Variants in AXIN2 observed in about 807,000 individuals in gnomAD.
The protein encoded by AXIN2 is axin-2.
A neutral mutation model predicts 74.7 loss-of-function variants in AXIN2; 21 were observed. That is an observed-to-expected ratio of 0.28 (90% CI 0.20 to 0.40). AXIN2 has a LOEUF of 0.40. Ranked by LOEUF, AXIN2 falls within the 10% of genes least tolerant of loss-of-function variation. AXIN2 has a pLI of 1.00. For missense variants in AXIN2, 1,144 were observed against 1,111.1 expected (o/e 1.03, Z -0.42); for synonymous variants, 532 against 454.9 (o/e 1.17, Z -2.16).
rs755206242 is a variant in AXIN2 at position 65,557,882 on chromosome 17, C to G, written c.739G>C (p.Val247Leu). The change falls in exon 2 of 11, where the codon GTG becomes CTG. Residue 247 changes from valine to leucine, a missense_variant. Physicochemically the swap from Val to Leu is conservative, Grantham distance 32 (BLOSUM62 1). Coordinates refer to ENST00000307078, the MANE Select transcript of AXIN2 (RefSeq NM_004655.4). ...ADFKCKLSPT[V>L]VGLSSKTLRA... ...AGAGTTTTGCTGGACAAGCCAACCA[C>G]GGTTGGCGAAAGTTTGCACTTGAAG... is the stretch of plus-strand genomic sequence containing the variant. 6 of 1,614,176 alleles carry G rather than the reference C, an allele frequency of 3.7e-6. No homozygotes were observed. The Admixed American group carries it at 1.0e-4, about 27-fold the overall frequency.
Position 65,537,759 on chromosome 17 carries a change from A to C in AXIN2, c.1277T>G (p.Leu426Arg), listed in dbSNP as rs1567756473. The C allele has an allele frequency of 6.3e-7, 1 of 1,582,328 alleles. No homozygotes were observed. Among genetic ancestry groups the C allele is most frequent in the South Asian group, 1.1e-5 (1 of 87,052 alleles). ...GAPTQHPLSL[L>R]PSGSYEEDPQ... ...GTCTTCCTCGTAGCTGCCGGAGGGC[A>C]GTAGGGAGAGGGGGTGCTGCGTGGG... is the stretch of plus-strand genomic sequence containing the variant. The change falls in exon 6 of 11, where the codon CTG becomes CGG. Residue 426 changes from leucine to arginine, a missense_variant. Leu to Arg is a moderately radical substitution (Grantham distance 102, BLOSUM62 -2). Coordinates refer to ENST00000307078, the MANE Select transcript of AXIN2 (RefSeq NM_004655.4).
chr17:65,542,511 T>C (rs917051665), intron 3 of AXIN2, among the ~76,000 whole-genome samples: 1 of 152,184 alleles, frequency 6.6e-6, no homozygotes, highest in African/African-American at 2.4e-5. Context: ...TGGATGTGGG[T>C]GTCAAGTCCT....
chr17:65,553,853 G>GA (rs1223682376), intron 2 of AXIN2, among the ~76,000 whole-genome samples: 1 of 149,550 alleles, frequency 6.7e-6, no homozygotes, highest in African/African-American at 2.4e-5. Flanking sequence ...AAGGCGGGGG[G>GA]GGGGGGAGGA....
intron 2 of AXIN2, among the ~76,000 whole-genome samples, chr17:65,550,134 T>C (rs1008494339): frequency 5.3e-5 from 8 of 152,222 alleles, no homozygotes; most frequent in African/African-American, 1.9e-4. Flanking sequence ...TGGGGTCTGT[T>C]AGCCCAGTCC....
intron 2 of AXIN2, among the ~76,000 whole-genome samples, chr17:65,555,491 C>T (rs564748552): frequency 8.5e-5 from 13 of 152,292 alleles, no homozygotes; most frequent in Admixed American, 3.3e-4. Flanking sequence ...CCAAGAGTCA[C>T]CCTTTAAAAG....
At chr17:65,550,123 C>G (rs2144542501) in intron 2 of AXIN2, among the ~76,000 whole-genome samples, 1 of 152,348 alleles carries the variant, frequency 6.6e-6, no homozygotes, top group South Asian at 2.1e-4. Context: ...AACTCCTTGT[C>G]TGGGGTCTGT....
intron 10 of AXIN2, among the ~76,000 whole-genome samples, chr17:65,530,727 C>A (rs146218046): frequency 2.6e-5 from 4 of 152,324 alleles, no homozygotes; most frequent in African/African-American, 4.8e-5. Context: ...TTCCCAGGGC[C>A]GAACAGACGG....
At chr17:65,536,827 CCCA>C (rs1567754698) in intron 7 of AXIN2, 39 bp downstream of exon 7, 1 of 1,611,132 alleles carries the variant, frequency 6.2e-7, no homozygotes, top group South Asian at 1.1e-5. Context: ...GTACTGAGTG[CCCA>C]TGACCCTCGC....
Position 65,558,500 on chromosome 17 carries a change from C to A in AXIN2, c.121G>T (p.Gly41Cys), listed in dbSNP as rs755444120. 6.2e-7 allele frequency: 1 copy of A among 1,612,512 alleles called. No individual in the cohort carries two copies. The highest frequency in any genetic ancestry group is 2.2e-5 in the East Asian group (1 of 44,798). The change falls in exon 2 of 11, where the codon GGC becomes TGC. Residue 41 changes from glycine (G) to cysteine (C), a missense_variant. Physicochemically the swap from Gly to Cys is radical, Grantham distance 159. This residue lies in a region of AXIN2 where 1,053 missense variants were observed against 973.5 expected (regional missense o/e 1.08). Transcript: ENST00000307078. The part of the protein sequence containing the change: ...GETPPCQPGV[G>C]KGQVTKPMPV... ...ATGGGTTTGGTGACCTGGCCCTTGC[C>A]CACCCCTGGCTGACACGGTGGGGTC... is the stretch of plus-strand genomic sequence containing the variant.
chr17:65,551,601 G>GT (rs1259295769), intron 2 of AXIN2, among the ~76,000 whole-genome samples: 3 of 152,192 alleles, frequency 2.0e-5, no homozygotes, highest in Admixed American at 6.5e-5. Context: ...ACAATTTGGT[G>GT]TGAGGGTCTG....
chr17:65,529,778 A>T lies in AXIN2; in HGVS notation c.*198T>A. 2 of 766,410 alleles carry T rather than the reference A, an allele frequency of 2.6e-6. No individual in the cohort carries two copies. The highest frequency in any genetic ancestry group is 2.1e-6 in the Non-Finnish European group (1 of 475,482). 47.5% of individuals were successfully genotyped at this position (766,410 alleles called of 1,614,324 possible). A position where few individuals can be genotyped will look rare whatever the true frequency, so the allele number is the denominator to read the frequency against. On this transcript the variant is annotated 3_prime_UTR_variant, in exon 11 of 11. Coordinates refer to ENST00000307078, the MANE Select transcript of AXIN2 (RefSeq NM_004655.4). Reference sequence around the variant, plus strand: ...AAATAGTTCAGGCTTTTCTTATCTCAGTCAGTACCCAGCTCATGAATCATG... The same window carrying T: ...AAATAGTTCAGGCTTTTCTTATCTCTGTCAGTACCCAGCTCATGAATCATG...
intron 5 of AXIN2, 49 bp downstream of exon 5, chr17:65,538,154 A>G (rs549161295): frequency 1.9e-6 from 3 of 1,613,450 alleles, no homozygotes; most frequent in South Asian, 1.1e-5. Flanking sequence ...TACACATACG[A>G]GCGCTCACGC....
At position 65,537,314 on chromosome 17, in the gene AXIN2, C is replaced by T. The variant is rs374250367; in HGVS notation, c.1712+10G>A. On this transcript the variant is annotated intron_variant, in intron 6 of 10. Transcript: ENST00000307078. Reference sequence around the variant, plus strand: ...CCCACACGGGACACTGCGGTCCGCCCGGCACTTACCCAAACTGCTCGCTGG... The same window carrying T: ...CCCACACGGGACACTGCGGTCCGCCTGGCACTTACCCAAACTGCTCGCTGG... 1 of 1,613,842 alleles carries T rather than the reference C, an allele frequency of 6.2e-7. No individual in the cohort carries two copies. The highest frequency in any genetic ancestry group is 8.5e-7 in the Non-Finnish European group (1 of 1,180,020).
chr17:65,541,289 T>C (rs1313873177), intron 4 of AXIN2, among the ~76,000 whole-genome samples, 166 bp downstream of exon 4: 2 of 152,194 alleles, frequency 1.3e-5, no homozygotes, highest in African/African-American at 2.4e-5. Context: ...CAAAAAACCA[T>C]GTAATGCCTA....
intron 2 of AXIN2, among the ~76,000 whole-genome samples, chr17:65,555,823 A>ATC (rs1222573676): frequency 6.6e-6 from 1 of 152,124 alleles, no homozygotes; most frequent in African/African-American, 2.4e-5. Flanking sequence ...ATGATGTGAG[A>ATC]TCATCTGGCT....
At chr17:65,547,816 A>G (rs1380334701) in intron 3 of AXIN2, among the ~76,000 whole-genome samples, 2 of 152,230 alleles carry the variant, frequency 1.3e-5, no homozygotes, top group Admixed American at 6.5e-5. Flanking sequence ...ACAGCAAAAC[A>G]CAACAGCAGG....
chr17:65,530,490 G>A (rs993956866), intron 10 of AXIN2, among the ~76,000 whole-genome samples: 12 of 152,370 alleles, frequency 7.9e-5, no homozygotes, highest in African/African-American at 2.6e-4. Flanking sequence ...CTTTGCAGCA[G>A]GAGCCAAGCA....
chr17:65,533,963 C>T lies in AXIN2; in HGVS notation c.2354G>A (p.Ser785Asn). Residue 785 changes from serine (S) to asparagine (N), a missense_variant, in exon 10 of 11, where the codon AGC (serine) becomes AAC (asparagine). By Grantham distance (46) the Ser-to-Asn change is conservative. Around this residue, in one of 4 missense-constraint regions of AXIN2, gnomAD observed 65 missense variants for 95.7 expected, o/e 0.68. Coordinates refer to ENST00000307078, the MANE Select transcript of AXIN2 (RefSeq NM_004655.4). ...CTCTTTAAAGTGGCCCAGGGTCAAG[C>T]TCTGAGCCTTCAGCATCCTCCGGTA... is the stretch of plus-strand genomic sequence containing the variant. ...IPYRRMLKAQ[S>N]LTLGHFKEQL... The T allele has an allele frequency of 6.2e-7, 1 of 1,614,196 alleles. No homozygotes were observed. The highest frequency in any genetic ancestry group is 8.5e-7 in the Non-Finnish European group (1 of 1,180,026).
chr17:65,540,528 A>G (rs938850426), intron 4 of AXIN2, among the ~76,000 whole-genome samples: 1 of 152,300 alleles, frequency 6.6e-6, no homozygotes, highest in South Asian at 2.1e-4. Flanking sequence ...GCAAAGGTTC[A>G]AAAATAGGTC....
Sources: gnomAD v4.1 joint callset for allele counts (sites outside exome capture counted in the v4.1 genomes callset) on GRCh38, gnomAD v4.1.1 for gene constraint, gnomAD v4.1.1 regional missense constraint, MANE v1.5 for transcripts, NCBI Gene and HGNC (gene_info 2026-07-23, HGNC 2026-07-21) for gene names.